C2orf49: variants seen among roughly 807,000 people sequenced by gnomAD.
C2orf49 encodes tRNA splicing ligase complex subunit 2, also known as tRNA-splicing ligase complex subunit ASW.
C2orf49 carries 11 observed loss-of-function variants against 20.6 expected under a neutral mutation model. That is an observed-to-expected ratio of 0.53 (90% CI 0.34 to 0.88). The LOEUF (loss-of-function observed/expected upper bound fraction) is 0.88, where lower values mean the gene tolerates loss of function less well. Ranked by LOEUF, C2orf49 falls within the 40% of genes least tolerant of loss-of-function variation. The pLI is 0.02. For missense variants in C2orf49, 289 were observed against 274.2 expected, an observed-to-expected ratio of 1.05 and a Z score of -0.38; for synonymous variants, 134 against 108.5, an observed-to-expected ratio of 1.24 and a Z score of -1.46.
the C2orf49 span, chr2:105,378,036 G>T: frequency 2.1e-6 from 1 of 470,150 alleles, no homozygotes; most frequent in Non-Finnish European, 4.4e-6. Flanking sequence ...AGGTCAACAG[G>T]AAAGCAAAGC....
chr2:105,373,718 C>T, the C2orf49 span: 3 of 1,613,988 alleles, frequency 1.9e-6, no homozygotes, highest in Middle Eastern at 1.7e-4. Context: ...CAGTGCCGGT[C>T]CTTGTAAGAC....
rs1302434968 is a variant in C2orf49 at position 105,343,189 on chromosome 2, A to T, written c.608A>T (p.Lys203Met). ...SPVGTTPVKL[K>M]RAAPKEEAEA... is the part of the protein sequence containing the mutation. ...GTTGGAACTACTCCAGTGAAGTTAA[A>T]GAGAGCTGCTCCTAAAGAAGAGGCA... Residue 203 changes from lysine to methionine, a missense_variant, in exon 3 of 4, where the codon AAG becomes ATG. Coordinates refer to ENST00000258457, the MANE Select transcript of C2orf49 (RefSeq NM_024093.3). The T allele has an allele frequency of 6.2e-7, 1 of 1,609,142 alleles. No homozygotes were observed. The highest frequency in any genetic ancestry group is 8.5e-7 in the Non-Finnish European group (1 of 1,178,188).
At chr2:105,373,615 C>T in the C2orf49 span, 10 of 1,614,114 alleles carry the variant, frequency 6.2e-6, no homozygotes, top group African/African-American at 1.2e-4. Flanking sequence ...GTTGGAATAG[C>T]AGTCTGTACA....
At chr2:105,358,285 T>C in the C2orf49 span, 1 of 152,278 alleles carries the variant, frequency 6.6e-6, no homozygotes, top group African/African-American at 2.4e-5. Flanking sequence ...CTGGATCTCC[T>C]CTGGGGGCTG....
At chr2:105,379,812 C>G in the C2orf49 span, among the ~76,000 whole-genome samples, 2 of 152,236 alleles carry the variant, frequency 1.3e-5, no homozygotes, top group African/African-American at 4.8e-5. Context: ...GGCTGCAAGT[C>G]CCAGCTGAAA....
intron 2 of C2orf49, among the ~76,000 whole-genome samples, chr2:105,340,765 A>G (rs1679644951): frequency 6.6e-6 from 1 of 152,100 alleles, no homozygotes; most frequent in African/African-American, 2.4e-5. Flanking sequence ...CCTTAAGTGA[A>G]CTCTTCTGTG....
Position 105,346,787 on chromosome 2 carries a change from A to G in C2orf49, c.*1416A>G, listed in dbSNP as rs1312263156. ...CTGTTCTACACAGAATTACCTGCTAAGATTTTTTGTTTATTTTTGTTTGAG... is the reference window on the plus strand; with the variant it reads ...CTGTTCTACACAGAATTACCTGCTAGGATTTTTTGTTTATTTTTGTTTGAG... On this transcript the variant is annotated 3_prime_UTR_variant, in exon 4 of 4. Transcript: ENST00000258457. The G allele has an allele frequency of 6.6e-6, 1 of 152,192 alleles. No individual in the cohort carries two copies. Among genetic ancestry groups the G allele is most frequent in the Non-Finnish European group, 1.5e-5 (1 of 68,032 alleles). 9.4% of individuals were successfully genotyped at this position (152,192 alleles called of 1,614,324 possible).
At chr2:105,375,813 T>C in the C2orf49 span, 1 of 152,194 alleles carries the variant, frequency 6.6e-6, no homozygotes, top group Non-Finnish European at 1.5e-5. Flanking sequence ...GAACCCAAAC[T>C]GGGTATGCAC....
chr2:105,343,396 A>C (rs909085291), intron 3 of C2orf49, among the ~76,000 whole-genome samples, 173 bp downstream of exon 3: 3 of 152,228 alleles, frequency 2.0e-5, no homozygotes, highest in Non-Finnish European at 4.4e-5. Flanking sequence ...CCTGGAATTT[A>C]AAAATCCATG....
chr2:105,346,791 T>G lies in C2orf49; in HGVS notation c.*1420T>G, dbSNP rs1376882074. The stretch of plus-strand genomic sequence containing the variant: ...TCTACACAGAATTACCTGCTAAGAT[T>G]TTTTGTTTATTTTTGTTTGAGTGGT... On this transcript the variant is annotated 3_prime_UTR_variant, in exon 4 of 4. Coordinates refer to ENST00000258457, the MANE Select transcript of C2orf49 (RefSeq NM_024093.3). The G allele has an allele frequency of 6.6e-6, 1 of 152,148 alleles. No homozygotes were observed. Among genetic ancestry groups the G allele is most frequent in the African/African-American group, 2.4e-5 (1 of 41,422 alleles). The allele number at this position is 152,148 out of a possible 1,614,324, so 9.4% of individuals were successfully genotyped here.
At chr2:105,352,904 A>G (rs547683009), downstream of C2orf49, among the ~76,000 whole-genome samples, 1 of 152,292 alleles carries the variant, frequency 6.6e-6, no homozygotes, top group South Asian at 2.1e-4. Flanking sequence ...CCCATCAAAA[A>G]CAAACAACTG....
chr2:105,366,623 G>A, the C2orf49 span, among the ~76,000 whole-genome samples: 1 of 152,360 alleles, frequency 6.6e-6, no homozygotes, highest in South Asian at 2.1e-4. Flanking sequence ...CCTGAAGGGT[G>A]CAGGTCGGGG....
At chr2:105,353,011 C>G (rs1043982526), downstream of C2orf49, among the ~76,000 whole-genome samples, 3 of 152,096 alleles carry the variant, frequency 2.0e-5, no homozygotes, top group Non-Finnish European at 4.4e-5. Context: ...TTATTTGGCT[C>G]ACAGTTCTGG....
the C2orf49 span, among the ~76,000 whole-genome samples, chr2:105,373,252 G>T: frequency 1.1e-3 from 168 of 152,326 alleles, 1 homozygote; most frequent in Non-Finnish European, 1.6e-3. Flanking sequence ...TATCTATGGT[G>T]GTGGGAGAGT....
the C2orf49 span, among the ~76,000 whole-genome samples, chr2:105,354,242 A>G: frequency 5.9e-5 from 9 of 152,266 alleles, no homozygotes; most frequent in South Asian, 1.7e-3. Flanking sequence ...GATATATTTA[A>G]TGAGTTTCTT....
At chr2:105,373,909 A>G in the C2orf49 span, among the ~76,000 whole-genome samples, 1 of 152,240 alleles carries the variant, frequency 6.6e-6, no homozygotes, top group Non-Finnish European at 1.5e-5. Context: ...AATTAAGACT[A>G]GGCTGCTTTT....
the C2orf49 span, among the ~76,000 whole-genome samples, chr2:105,356,928 C>T: frequency 6.6e-6 from 1 of 151,968 alleles, no homozygotes; most frequent in East Asian, 1.9e-4. Flanking sequence ...CTTTTTCAAC[C>T]ATTAACTCTT....
chr2:105,384,415 T>C, the C2orf49 span, among the ~76,000 whole-genome samples: 2 of 152,184 alleles, frequency 1.3e-5, no homozygotes, highest in Non-Finnish European at 2.9e-5. Flanking sequence ...GAGCTTACCC[T>C]GTCAGCTGCT....
At chr2:105,352,045 A>G (rs888357594), downstream of C2orf49, among the ~76,000 whole-genome samples, 24 of 152,182 alleles carry the variant, frequency 1.6e-4, no homozygotes, top group Admixed American at 6.5e-5. Flanking sequence ...CATGGCTCCT[A>G]CCAACCACCG....
Sources: allele counts gnomAD v4.1 joint callset (sites outside exome capture counted in the v4.1 genomes callset), GRCh38; gene constraint gnomAD v4.1.1; transcripts MANE v1.5; gene names NCBI Gene and HGNC (gene_info 2026-07-23, HGNC 2026-07-21).